DOCK8: variants seen among roughly 807,000 people sequenced by gnomAD.
DOCK8 encodes dedicator of cytokinesis 8.
Under a neutral mutation model 245.6 loss-of-function variants are expected in DOCK8, and 141 were observed. That is an observed-to-expected ratio of 0.57 (90% CI 0.50 to 0.66). DOCK8 has a LOEUF of 0.66. DOCK8 is among the 30% of genes least tolerant of loss of function. The pLI is 0.00. For missense variants in DOCK8, 2,965 were observed against 2,603.4 expected (o/e 1.14, Z -3.02); for synonymous variants, 1,168 against 970.2 (o/e 1.20, Z -3.79).
At chr9:249,187 G>C (rs2047587372) in intron 1 of DOCK8, among the ~76,000 whole-genome samples, 1 of 152,202 alleles carries the variant, frequency 6.6e-6, no homozygotes, top group Non-Finnish European at 1.5e-5. Context: ...TTCAAGTCTA[G>C]AGATGGTCCT....
At chr9:237,599 G>C (rs2047284489) in intron 1 of DOCK8, among the ~76,000 whole-genome samples, 1 of 152,176 alleles carries the variant, frequency 6.6e-6, no homozygotes, top group South Asian at 2.1e-4. Context: ...AGGCTTCAGT[G>C]AGCTGTGATT....
intron 4 of DOCK8, among the ~76,000 whole-genome samples, chr9:302,875 C>T (rs1027807468): frequency 3.3e-5 from 5 of 151,928 alleles, no homozygotes; most frequent in African/African-American, 9.7e-5. Context: ...TGCTTGTAAT[C>T]CCAGCATTTT....
At chr9:229,041 T>C (rs775466177) in intron 1 of DOCK8, among the ~76,000 whole-genome samples, 1 of 152,208 alleles carries the variant, frequency 6.6e-6, no homozygotes, top group African/African-American at 2.4e-5. Context: ...GCAAGGCTTC[T>C]TGAGGCTTAA....
intron 5 of DOCK8, among the ~76,000 whole-genome samples, chr9:309,288 C>G (rs78138884): frequency 0.014 from 2,149 of 151,454 alleles, 61 homozygotes; most frequent in African/African-American, 0.05. Flanking sequence ...TATTAATAAT[C>G]GAAGTGTTAA....
chr9:404,841 T>A lies in DOCK8; in HGVS notation c.3235-77T>A, dbSNP rs1271045422. Reference sequence around the variant, plus strand: ...ATTGCCTTAACCTGGAGAGAAAGGATATTTTTGTGTCTGCCAACCTCAACT... The same window carrying A: ...ATTGCCTTAACCTGGAGAGAAAGGAAATTTTTGTGTCTGCCAACCTCAACT... On this transcript the variant is annotated intron_variant, in intron 26 of 47. Transcript: ENST00000432829. 5.3e-6 allele frequency: 8 copies of A among 1,506,898 alleles called. 1 individual carries two copies. The highest frequency in any genetic ancestry group is 1.7e-5 in the Admixed American group (1 of 59,016). 93.3% of individuals were successfully genotyped at this position (1,506,898 alleles called of 1,614,324 possible).
chr9:305,251 G>C (rs2049765601), intron 5 of DOCK8, among the ~76,000 whole-genome samples: 1 of 151,996 alleles, frequency 6.6e-6, no homozygotes, highest in Non-Finnish European at 1.5e-5. Flanking sequence ...AGTCAATGCT[G>C]GTCACTGTTA....
intron 44 of DOCK8, among the ~76,000 whole-genome samples, chr9:449,245 G>A (rs1194095425): frequency 1.3e-5 from 2 of 152,190 alleles, no homozygotes; most frequent in African/African-American, 2.4e-5. Flanking sequence ...AGCTACTTGG[G>A]AGGCTGAGGC....
At chr9:426,812 T>A in intron 33 of DOCK8, 73 bp from the exon 34 acceptor site, 1 of 1,155,102 alleles carries the variant, frequency 8.7e-7, no homozygotes, top group Non-Finnish European at 1.3e-6. Flanking sequence ...TACACCTTGG[T>A]GTATAGATTG....
chr9:391,463 T>C (rs10973684), intron 24 of DOCK8, among the ~76,000 whole-genome samples: 36,422 of 151,970 alleles, frequency 0.24, 4,471 homozygotes, highest in Middle Eastern at 0.31. Flanking sequence ...AGAATGAAAT[T>C]TGTATATCTG....
At chr9:346,542 C>G (rs966309464) in intron 14 of DOCK8, among the ~76,000 whole-genome samples, 1 of 152,158 alleles carries the variant, frequency 6.6e-6, no homozygotes, top group South Asian at 2.1e-4. Flanking sequence ...CTTCAGCCCC[C>G]GAGAGCCTCT....
intron 14 of DOCK8, among the ~76,000 whole-genome samples, chr9:357,760 C>T (rs1378698006): frequency 1.3e-5 from 2 of 152,206 alleles, no homozygotes; most frequent in East Asian, 3.9e-4. Context: ...GTGCCTCCTT[C>T]TAATCTTGCG....
chr9:222,957 A>G (rs568386006), intron 1 of DOCK8, among the ~76,000 whole-genome samples: 3 of 152,322 alleles, frequency 2.0e-5, no homozygotes, highest in African/African-American at 7.2e-5. Flanking sequence ...CTATCGCAAA[A>G]TAAGAGTCCA....
chr9:400,839 C>CCAT lies in DOCK8; in HGVS notation c.3234+1582_3234+1583insTCA, dbSNP rs1564015765. Among the ~76,000 whole-genome samples, 19 of 94,618 alleles carry CCAT rather than the reference C, an allele frequency of 2.0e-4. 3 individuals carry two copies. Among genetic ancestry groups the CCAT allele is most frequent in the Admixed American group, 1.1e-4 (1 of 9,504 alleles). 62.1% of individuals were successfully genotyped at this position (94,618 alleles called of 152,430 possible). A position where few individuals can be genotyped will look rare whatever the true frequency, so the allele number is the denominator to read the frequency against. On this transcript the variant is annotated intron_variant, in intron 26 of 47. Coordinates refer to ENST00000432829, the MANE Select transcript of DOCK8 (RefSeq NM_203447.4). ...ACCACCTCCACCATCACCATCACCA[C>CCAT]CACCTCCACCATCACCACCTCCTCC... is the stretch of plus-strand genomic sequence containing the variant.
chr9:414,886 C>A lies in DOCK8; in HGVS notation c.3635C>A (p.Ala1212Asp), dbSNP rs1252422268. 6.2e-7 allele frequency: 1 copy of A among 1,614,184 alleles called. No individual in the cohort carries two copies. ...AAACCAGAGGTGAAGGTCAAAATCG[C>A]CGCCCTTTACCTACCTTTAGTTGGC... is the stretch of plus-strand genomic sequence containing the variant. ...CVKPEVKVKI[A>D]ALYLPLVGII... Residue 1212 changes from alanine to aspartate, a missense_variant, in exon 29 of 48, where the codon GCC (alanine) becomes GAC (aspartate). This residue lies in a region of DOCK8 where 2,825 missense variants were observed against 2,453.5 expected (regional missense o/e 1.15). Coordinates refer to ENST00000432829, the MANE Select transcript of DOCK8 (RefSeq NM_203447.4).
At chr9:250,642 A>C (rs1342041318) in intron 1 of DOCK8, among the ~76,000 whole-genome samples, 2 of 152,178 alleles carry the variant, frequency 1.3e-5, no homozygotes, top group African/African-American at 4.8e-5. Context: ...GGGAGTAAAC[A>C]ACATGTAAGG....
intron 1 of DOCK8, among the ~76,000 whole-genome samples, chr9:270,442 A>T (rs924832837): frequency 6.6e-6 from 1 of 152,190 alleles, no homozygotes; most frequent in African/African-American, 2.4e-5. Flanking sequence ...GAGTGTTGGC[A>T]TCTTGAAAGG....
chr9:403,314 A>T (rs911722561), intron 26 of DOCK8, among the ~76,000 whole-genome samples: 10 of 152,190 alleles, frequency 6.6e-5, no homozygotes, highest in African/African-American at 2.4e-4. Context: ...ACACCTGTTA[A>T]TGAGTAACCT....
intron 1 of DOCK8, among the ~76,000 whole-genome samples, chr9:260,708 G>T (rs1178392789): frequency 6.6e-6 from 1 of 152,116 alleles, no homozygotes; most frequent in Non-Finnish European, 1.5e-5. Context: ...TTATTGCCCA[G>T]TTTTATAGTA....
At chr9:241,473 T>C (rs2047371444) in intron 1 of DOCK8, among the ~76,000 whole-genome samples, 1 of 152,200 alleles carries the variant, frequency 6.6e-6, no homozygotes, top group African/African-American at 2.4e-5. Flanking sequence ...TGAGTGAGAA[T>C]GTGAAGTGTT....
Sources: allele counts gnomAD v4.1 joint callset (sites outside exome capture counted in the v4.1 genomes callset), GRCh38; gene constraint gnomAD v4.1.1; regional missense constraint gnomAD v4.1.1; transcripts MANE v1.5; gene names NCBI Gene and HGNC (gene_info 2026-07-23, HGNC 2026-07-21).